The following CSMD1 variants were observed in gnomAD, a reference collection of about 807,000 sequenced individuals.
The protein encoded by CSMD1 is CUB and sushi domain-containing protein 1.
A neutral mutation model predicts 417.5 loss-of-function variants in CSMD1; 213 were observed. The ratio of observed to expected loss-of-function variants is 0.51; its 90% CI spans 0.46 to 0.57. The LOEUF (loss-of-function observed/expected upper bound fraction) is 0.57. CSMD1 is among the 20% of genes least tolerant of loss of function. The probability of loss-of-function intolerance (pLI) is 0.00; values close to 1 mark genes in which losing one functional copy is unlikely to be tolerated. For synonymous variants in CSMD1, 2,862 were observed against 1,736.8 expected (o/e 1.65, Z -16.11); for missense variants, 6,923 against 4,529.7 (o/e 1.53, Z -15.17).
At chr8:4,059,536 A>C (rs891757842) in intron 3 of CSMD1, among the ~76,000 whole-genome samples, 15 of 152,194 alleles carry the variant, frequency 9.9e-5, no homozygotes, top group African/African-American at 3.4e-4. Flanking sequence ...CAAAATTGAT[A>C]GACTGCTAGC....
intron 40 of CSMD1, among the ~76,000 whole-genome samples, chr8:3,148,387 T>C (rs1268283360): frequency 2.0e-5 from 3 of 152,128 alleles, no homozygotes; most frequent in African/African-American, 4.8e-5. Flanking sequence ...TAAGGCAAGG[T>C]TCAGAGAAAC....
At chr8:3,983,042 T>C (rs1814007179) in intron 5 of CSMD1, among the ~76,000 whole-genome samples, 1 of 151,912 alleles carries the variant, frequency 6.6e-6, no homozygotes, top group Middle Eastern at 3.4e-3. Context: ...GGGGCCGGGA[T>C]CCCAATCCAA....
chr8:3,218,780 G>C (rs957545295), intron 29 of CSMD1, among the ~76,000 whole-genome samples: 1 of 151,920 alleles, frequency 6.6e-6, no homozygotes, highest in Non-Finnish European at 1.5e-5. Context: ...GCTGAGACAG[G>C]AGAATCATTT....
intron 3 of CSMD1, among the ~76,000 whole-genome samples, chr8:4,401,383 A>G (rs899924446): frequency 6.6e-6 from 1 of 152,328 alleles, no homozygotes; most frequent in South Asian, 2.1e-4. Context: ...AAAGAGGTGT[A>G]TCAGATGTTA....
At chr8:4,571,491 A>C (rs1798892295) in intron 2 of CSMD1, among the ~76,000 whole-genome samples, 1 of 152,176 alleles carries the variant, frequency 6.6e-6, no homozygotes, top group South Asian at 2.1e-4. Context: ...ATTTGATTGC[A>C]CTGTGGTCTG....
chr8:4,440,509 C>G (rs954522680), intron 2 of CSMD1, among the ~76,000 whole-genome samples: 1 of 152,232 alleles, frequency 6.6e-6, no homozygotes, highest in South Asian at 2.1e-4. Flanking sequence ...TCTATAATTT[C>G]TATGGATATA....
At chr8:3,957,645 C>T (rs1042772939) in intron 5 of CSMD1, among the ~76,000 whole-genome samples, 17 of 151,672 alleles carry the variant, frequency 1.1e-4, no homozygotes, top group African/African-American at 4.1e-4. Flanking sequence ...AGTCATGCCA[C>T]TGCACTCCAG....
intron 37 of CSMD1, among the ~76,000 whole-genome samples, chr8:3,178,001 T>G (rs990416706): frequency 6.6e-6 from 1 of 152,218 alleles, no homozygotes. Context: ...GAAGACTAAA[T>G]GGCTATAGAA....
rs577107289 is a variant in CSMD1, at chr8:4,652,487, G to T, written c.86-14929C>A. ...GCCTACCAGAAAGAACCACTGTGCC[G>T]AGCCTGCCGAGACAGATTCGCCCCA... On this transcript the variant is annotated intron_variant, in intron 1 of 69. Coordinates refer to ENST00000635120, the MANE Select transcript of CSMD1 (RefSeq NM_033225.6). Among the ~76,000 whole-genome samples the T allele has an allele frequency of 2.6e-5, 4 of 152,040 alleles. No homozygotes were observed. The South Asian group carries it at 8.3e-4, about 32-fold the overall frequency.
chr8:4,072,272 C>G (rs991647872), intron 3 of CSMD1, among the ~76,000 whole-genome samples: 2 of 152,072 alleles, frequency 1.3e-5, no homozygotes, highest in African/African-American at 4.8e-5. Context: ...TTTGGCCATC[C>G]TGAATTGCAC....
At chr8:3,612,729 G>T (rs2469323) in intron 8 of CSMD1, among the ~76,000 whole-genome samples, 66,532 of 151,828 alleles carry the variant, frequency 0.44, 15,051 homozygotes, top group Middle Eastern at 0.59. Flanking sequence ...TCAAGCTGCA[G>T]GAAAATGAAA....
intron 2 of CSMD1, among the ~76,000 whole-genome samples, chr8:4,479,028 G>A (rs550875199): frequency 1.3e-5 from 2 of 152,272 alleles, no homozygotes; most frequent in African/African-American, 4.8e-5. Context: ...TCCTAGGGAA[G>A]ATAACACAGA....
At chr8:3,288,441 G>T (rs1803311651) in intron 25 of CSMD1, among the ~76,000 whole-genome samples, 1 of 146,758 alleles carries the variant, frequency 6.8e-6, no homozygotes, top group Non-Finnish European at 1.5e-5. Context: ...GACTTTTTTT[G>T]GTTGGTAAGC....
chr8:4,572,063 T>C (rs564507433), intron 2 of CSMD1, among the ~76,000 whole-genome samples: 7 of 152,262 alleles, frequency 4.6e-5, no homozygotes, highest in Non-Finnish European at 1.0e-4. Context: ...GTCTTGACTC[T>C]TTATTCAATT....
At chr8:4,729,663 G>A (rs558609065) in intron 1 of CSMD1, among the ~76,000 whole-genome samples, 1 of 152,294 alleles carries the variant, frequency 6.6e-6, no homozygotes, top group South Asian at 2.1e-4. Context: ...TATCTATTTG[G>A]CAACAGAAGA....
chr8:3,303,454 A>G (rs1804569818), intron 25 of CSMD1, among the ~76,000 whole-genome samples: 9 of 152,216 alleles, frequency 5.9e-5, no homozygotes, highest in Admixed American at 5.9e-4. Flanking sequence ...CTGCATAGGA[A>G]TGCTTTTGAC....
intron 8 of CSMD1, among the ~76,000 whole-genome samples, chr8:3,604,217 A>T (rs904480057): frequency 1.3e-5 from 2 of 152,176 alleles, no homozygotes; most frequent in Admixed American, 1.3e-4. Context: ...ATGCTTAGTG[A>T]AATCAAATTG....
intron 1 of CSMD1, among the ~76,000 whole-genome samples, chr8:4,775,894 G>A (rs1796829695): frequency 1.3e-5 from 2 of 152,140 alleles, no homozygotes; most frequent in Admixed American, 6.5e-5. Context: ...GGCAGAGAGA[G>A]GACAAGTTAG....
At chr8:3,408,588 GAAC>G (rs772626565) in intron 13 of CSMD1, among the ~76,000 whole-genome samples, 23 of 151,230 alleles carry the variant, frequency 1.5e-4, no homozygotes, top group Admixed American at 5.3e-4. Context: ...TATATCATAG[GAAC>G]AATTCAGCCT....
Sources: allele counts gnomAD v4.1 joint callset (sites outside exome capture counted in the v4.1 genomes callset), GRCh38; gene constraint gnomAD v4.1.1; transcripts MANE v1.5; gene names NCBI Gene and HGNC (gene_info 2026-07-23, HGNC 2026-07-21).